The following GPC6 variants were observed in gnomAD, a reference collection of about 807,000 sequenced individuals.
GPC6 encodes the protein glypican-6.
GPC6 carries 14 observed loss-of-function variants against 55.2 expected under a neutral mutation model. The ratio of observed to expected loss-of-function variants is 0.25; its 90% CI spans 0.17 to 0.40. GPC6 has a LOEUF of 0.40. Ranked by LOEUF, GPC6 falls within the 10% of genes least tolerant of loss-of-function variation. The pLI is 1.00. For missense variants in GPC6, 641 were observed against 708.5 expected (o/e 0.90, Z 1.08); for synonymous variants, 278 against 259.6 (o/e 1.07, Z -0.68).
chr13:94,166,119 G>T lies in GPC6; in HGVS notation c.878-120230G>T, dbSNP rs79891445. 2.6e-5 allele frequency among the ~76,000 whole-genome samples: 4 copies of T among 152,068 alleles called. 1 individual carries two copies. The highest frequency in any genetic ancestry group is 4.8e-5 in the African/African-American group (2 of 41,398). ...TGTGAGACCTCCCTGTCGATAATGG[G>T]ATCCCTACCTGACTCCTAGCACTGG... On this transcript the variant is annotated intron_variant, in intron 4 of 8. Coordinates refer to ENST00000377047, the MANE Select transcript of GPC6 (RefSeq NM_005708.5).
In GPC6 at chr13:94,406,515, G is replaced by A. The variant is rs1881374557; in HGVS notation, c.*3298G>A. On this transcript the variant is annotated 3_prime_UTR_variant, in exon 9 of 9. Transcript: ENST00000377047. ...GTAACTTGTATCACCTGCTTTAAAT[G>A]TAAGGGATAGAAAATACTATTTTGT... The A allele has an allele frequency of 6.6e-6, 1 of 152,110 alleles. No individual in the cohort carries two copies. Among genetic ancestry groups the A allele is most frequent in the African/African-American group, 2.4e-5 (1 of 41,440 alleles). 9.4% of individuals were successfully genotyped at this position (152,110 alleles called of 1,614,324 possible).
chr13:93,323,279 GAC>G (rs1312428622), intron 1 of GPC6, among the ~76,000 whole-genome samples: 2 of 152,058 alleles, frequency 1.3e-5, no homozygotes, highest in African/African-American at 4.8e-5. Flanking sequence ...CATCATTGAT[GAC>G]ACATTATATG....
At chr13:94,043,091 T>C (rs1883599445) in intron 4 of GPC6, among the ~76,000 whole-genome samples, 1 of 151,882 alleles carries the variant, frequency 6.6e-6, no homozygotes, top group Non-Finnish European at 1.5e-5. Flanking sequence ...CCCATCATTT[T>C]TGAAGCAATT....
At chr13:93,454,776 C>T (rs543758363) in intron 1 of GPC6, among the ~76,000 whole-genome samples, 1 of 152,376 alleles carries the variant, frequency 6.6e-6, no homozygotes, top group South Asian at 2.1e-4. Context: ...CAGTCCCGCG[C>T]CCTGCGCCTG....
intron 6 of GPC6, among the ~76,000 whole-genome samples, chr13:94,330,483 A>T (rs564004755): frequency 6.6e-6 from 1 of 152,342 alleles, no homozygotes; most frequent in Admixed American, 6.5e-5. Context: ...TTCCTAAAGC[A>T]TGTCCTTGGG....
At chr13:94,300,786 G>A (rs568316695) in intron 5 of GPC6, among the ~76,000 whole-genome samples, 8 of 152,288 alleles carry the variant, frequency 5.3e-5, no homozygotes, top group South Asian at 4.1e-4. Flanking sequence ...GGGGTAGAGC[G>A]AATGATTTGT....
At chr13:93,990,764 G>A (rs1396284373) in intron 3 of GPC6, among the ~76,000 whole-genome samples, 1 of 151,574 alleles carries the variant, frequency 6.6e-6, no homozygotes, top group Non-Finnish European at 1.5e-5. Context: ...TTGGGAAGCT[G>A]AGGCATGAGG....
At chr13:94,238,119 T>TC (rs1890935250) in intron 4 of GPC6, among the ~76,000 whole-genome samples, 1 of 152,130 alleles carries the variant, frequency 6.6e-6, no homozygotes, top group African/African-American at 2.4e-5. Context: ...GGGAGGATCT[T>TC]TGGGGGATAG....
chr13:93,371,246 G>A (rs948175723), intron 1 of GPC6, among the ~76,000 whole-genome samples: 1 of 152,056 alleles, frequency 6.6e-6, no homozygotes, highest in African/African-American at 2.4e-5. Flanking sequence ...GGGGTTGGGG[G>A]TAGTATAGCC....
At chr13:94,387,705 T>G (rs1004506921) in intron 7 of GPC6, among the ~76,000 whole-genome samples, 1 of 150,802 alleles carries the variant, frequency 6.6e-6, no homozygotes. Flanking sequence ...ATGGGATTAC[T>G]ACCCTTGTAA....
the GPC6 span, among the ~76,000 whole-genome samples, chr13:93,217,036 C>T: frequency 1.3e-5 from 2 of 151,372 alleles, no homozygotes; most frequent in African/African-American, 4.9e-5. Flanking sequence ...ATGCTTTGCC[C>T]GCAAAAATGG....
chr13:93,404,524 C>T (rs749483663), intron 1 of GPC6, among the ~76,000 whole-genome samples: 2 of 152,026 alleles, frequency 1.3e-5, no homozygotes, highest in African/African-American at 4.8e-5. Context: ...TATAAACAAG[C>T]ATCTCAGGAC....
chr13:93,633,236 T>G (rs1879535840), intron 2 of GPC6, among the ~76,000 whole-genome samples: 1 of 152,154 alleles, frequency 6.6e-6, no homozygotes, highest in South Asian at 2.1e-4. Context: ...TCTTTTTAGG[T>G]TCAGAATCAT....
In GPC6 at chr13:93,662,688, T is replaced by G. The variant is rs965555693; in HGVS notation, c.319+117267T>G. 4.0e-4 allele frequency among the ~76,000 whole-genome samples: 61 copies of G among 152,142 alleles called. 1 individual carries two copies. Among genetic ancestry groups the G allele is most frequent in the Non-Finnish European group, 4.3e-4 (29 of 67,962 alleles). On this transcript the variant is annotated intron_variant, in intron 2 of 8. Coordinates refer to ENST00000377047, the MANE Select transcript of GPC6 (RefSeq NM_005708.5). The stretch of plus-strand genomic sequence containing the variant: ...AAACTTCTACATTTCAAGTTAAACT[T>G]TAAATTGAAATGCTAGTTTGGGTAT...
intron 4 of GPC6, among the ~76,000 whole-genome samples, chr13:94,096,818 C>T (rs1885675229): frequency 6.6e-6 from 1 of 152,122 alleles, no homozygotes; most frequent in Non-Finnish European, 1.5e-5. Flanking sequence ...AATGGTCTCA[C>T]CAGTTCACTT....
intron 4 of GPC6, among the ~76,000 whole-genome samples, chr13:94,272,705 T>A (rs1230035239): frequency 6.6e-6 from 1 of 151,980 alleles, no homozygotes; most frequent in Admixed American, 6.6e-5. Flanking sequence ...CCTGACCTCA[T>A]AATCCGCCCA....
chr13:93,775,782 C>A (rs1286469911), intron 2 of GPC6, among the ~76,000 whole-genome samples: 1 of 151,632 alleles, frequency 6.6e-6, no homozygotes, highest in Non-Finnish European at 1.5e-5. Flanking sequence ...ATTCTTAACA[C>A]CCAAAGCAGA....
intron 3 of GPC6, among the ~76,000 whole-genome samples, chr13:93,844,754 C>A (rs1316511810): frequency 6.9e-6 from 1 of 145,674 alleles, no homozygotes; most frequent in Non-Finnish European, 1.5e-5. Flanking sequence ...CCTAGGTTTT[C>A]TTCTAGGGTT....
intron 1 of GPC6, among the ~76,000 whole-genome samples, chr13:93,286,706 C>A (rs1046413544): frequency 6.6e-6 from 1 of 152,096 alleles, no homozygotes; most frequent in Non-Finnish European, 1.5e-5. Flanking sequence ...AGTTTTATAT[C>A]CCAAGGAAAC....
Sources: gnomAD v4.1 joint callset for allele counts (sites outside exome capture counted in the v4.1 genomes callset) on GRCh38, gnomAD v4.1.1 for gene constraint, MANE v1.5 for transcripts, NCBI Gene and HGNC (gene_info 2026-07-23, HGNC 2026-07-21) for gene names.